Variants in RB1 observed in about 807,000 individuals in gnomAD.
RB1 encodes the protein RB transcriptional corepressor 1, also known as retinoblastoma-associated protein.
A neutral mutation model predicts 135.4 loss-of-function variants in RB1; 18 were observed. That is an observed-to-expected ratio of 0.13 (90% CI 0.09 to 0.20). RB1 has a LOEUF of 0.20. Among genes scored for constraint, RB1 ranks in the 10% least tolerant of loss-of-function variants. RB1 has a pLI of 1.00. For missense variants in RB1, 868 were observed against 1,110.0 expected, an observed-to-expected ratio of 0.78 and a Z score of 3.10; for synonymous variants, 365 against 373.2, an observed-to-expected ratio of 0.98 and a Z score of 0.25.
At chr13:48,441,500 T>C (rs1034527996) in intron 17 of RB1, among the ~76,000 whole-genome samples, 2 of 152,194 alleles carry the variant, frequency 1.3e-5, no homozygotes, top group African/African-American at 2.4e-5. Context: ...TCCTACTGTC[T>C]TAGATCTAGT....
At chr13:48,388,680 G>A (rs192391857) in intron 17 of RB1, among the ~76,000 whole-genome samples, 3 of 152,288 alleles carry the variant, frequency 2.0e-5, no homozygotes, top group Admixed American at 2.0e-4. Flanking sequence ...CTGAGTAACT[G>A]AAGTTTGGAG....
At chr13:48,320,494 C>T (rs547345235) in intron 2 of RB1, 6 of 679,448 alleles carry the variant, frequency 8.8e-6, no homozygotes, top group Non-Finnish European at 1.5e-5. Flanking sequence ...AGGGGAGGGA[C>T]GCGCAGAGGG....
At chr13:48,316,264 G>C (rs1200896211) in intron 2 of RB1, among the ~76,000 whole-genome samples, 1 of 151,972 alleles carries the variant, frequency 6.6e-6, no homozygotes, top group African/African-American at 2.4e-5. Flanking sequence ...AGGACCAGGG[G>C]GGCGGTGGGG....
intron 17 of RB1, among the ~76,000 whole-genome samples, chr13:48,451,130 T>C (rs1237251905): frequency 3.3e-5 from 5 of 152,176 alleles, no homozygotes; most frequent in Non-Finnish European, 7.4e-5. Context: ...TTTGTTTCTT[T>C]CTCTTGCCTG....
chr13:48,303,795 G>A lies in RB1; in HGVS notation c.-118G>A, dbSNP rs1279272564. 2.8e-6 allele frequency: 4 copies of A among 1,420,270 alleles called. No individual in the cohort carries two copies. Among genetic ancestry groups the A allele is most frequent in the Non-Finnish European group, 3.7e-6 (4 of 1,077,540 alleles). The allele number at this position is 1,420,270 out of a possible 1,614,324, so 88.0% of individuals were successfully genotyped here. Reference sequence around the variant, plus strand: ...GCGCGTCCGGTTTTTCTCAGGGGACGTTGAAATTATTTTTGTAACGGGAGT... The same window carrying A: ...GCGCGTCCGGTTTTTCTCAGGGGACATTGAAATTATTTTTGTAACGGGAGT... On this transcript the variant is annotated 5_prime_UTR_variant, in exon 1 of 27. Coordinates refer to ENST00000267163, the MANE Select transcript of RB1 (RefSeq NM_000321.3).
chr13:48,418,197 A>G (rs1245339623), intron 17 of RB1, among the ~76,000 whole-genome samples: 1 of 152,202 alleles, frequency 6.6e-6, no homozygotes, highest in East Asian at 1.9e-4. Context: ...CAGAAACCCT[A>G]CAGGCCAGAA....
intron 6 of RB1, among the ~76,000 whole-genome samples, chr13:48,358,519 C>T (rs184890441): frequency 2.0e-5 from 3 of 152,162 alleles, no homozygotes; most frequent in Admixed American, 1.3e-4. Context: ...TGATACAAGC[C>T]GTTGTTCTGA....
chr13:48,342,023 A>G (rs753261003), intron 2 of RB1, among the ~76,000 whole-genome samples: 8 of 151,996 alleles, frequency 5.3e-5, no homozygotes, highest in Admixed American at 2.0e-4. Context: ...AACTGACTGT[A>G]TACTATATAC....
intron 6 of RB1, 44 bp from the exon 7 acceptor site, chr13:48,359,973 T>C: frequency 6.2e-7 from 1 of 1,605,586 alleles, no homozygotes; most frequent in East Asian, 2.2e-5. Context: ...CATACAAAGA[T>C]CTGAATCTCT....
At chr13:48,461,485 G>C (rs560016073) in intron 20 of RB1, among the ~76,000 whole-genome samples, 1 of 152,142 alleles carries the variant, frequency 6.6e-6, no homozygotes, top group East Asian at 1.9e-4. Flanking sequence ...TCATGAACAT[G>C]TTTCATTTCT....
intron 2 of RB1, chr13:48,317,993 C>A: frequency 2.1e-6 from 1 of 485,846 alleles, no homozygotes; most frequent in Non-Finnish European, 3.9e-6. Context: ...GCTCTCGTCA[C>A]TGTCCACTGA....
At chr13:48,384,946 G>T (rs568725805) in intron 17 of RB1, among the ~76,000 whole-genome samples, 1 of 152,316 alleles carries the variant, frequency 6.6e-6, no homozygotes, top group South Asian at 2.1e-4. Context: ...GCTATCGAAT[G>T]CATCATACCT....
At chr13:48,349,268 G>A (rs985274655) in intron 6 of RB1, among the ~76,000 whole-genome samples, 12 of 151,336 alleles carry the variant, frequency 7.9e-5, no homozygotes, top group Non-Finnish European at 1.8e-4. Flanking sequence ...GAATAATGAT[G>A]TTACTGTTTT....
intron 10 of RB1, among the ~76,000 whole-genome samples, chr13:48,368,137 A>G (rs1215873830): frequency 6.6e-6 from 1 of 152,190 alleles, no homozygotes; most frequent in Non-Finnish European, 1.5e-5. Flanking sequence ...ACACAGTAAA[A>G]TGTTTTAAAT....
At chr13:48,328,170 T>A in intron 2 of RB1, 2 of 1,445,898 alleles carry the variant, frequency 1.4e-6, no homozygotes, top group Admixed American at 1.7e-5. Context: ...CTTTCCTTTA[T>A]TGAAGGAGTT....
At chr13:48,363,773 T>A (rs1431676673) in intron 8 of RB1, among the ~76,000 whole-genome samples, 1 of 152,210 alleles carries the variant, frequency 6.6e-6, no homozygotes, top group African/African-American at 2.4e-5. Flanking sequence ...TTAGAAGGAA[T>A]CTTACAAATA....
At chr13:48,456,433 A>G (rs2138332037) in intron 19 of RB1, 84 bp downstream of exon 19, 1 of 1,543,310 alleles carries the variant, frequency 6.5e-7, no homozygotes, top group Non-Finnish European at 8.8e-7. Context: ...CTTTCTAGGT[A>G]CATTACTGGG....
At chr13:48,366,410 T>C (rs926400726) in intron 9 of RB1, among the ~76,000 whole-genome samples, 1 of 152,216 alleles carries the variant, frequency 6.6e-6, no homozygotes, top group Non-Finnish European at 1.5e-5. Flanking sequence ...TTCTATCTAA[T>C]ACATTTATGA....
rs367578442 is a variant in RB1 at position 48,456,250 on chromosome 13, C to G, written c.1861C>G (p.Arg621Gly). The change falls in exon 19 of 27, where the codon CGT (arginine) becomes GGT (glycine). Residue 621 changes from arginine to glycine, a missense_variant. Transcript: ENST00000267163. The stretch of plus-strand genomic sequence containing the variant: ...TCCAAAGAAAAAAGGTTCAACTACG[C>G]GTGTAAATTCTACTGCAAATGCAGA... Reference protein sequence around the residue: ...RSPKKKGSTTRVNSTANAETQ... With the variant: ...RSPKKKGSTTGVNSTANAETQ... The G allele has an allele frequency of 1.5e-5, 24 of 1,614,138 alleles. No individual in the cohort carries two copies. The South Asian group carries it at 2.5e-4, about 17-fold the overall frequency.
Sources: gnomAD v4.1 joint callset for allele counts (sites outside exome capture counted in the v4.1 genomes callset) on GRCh38, gnomAD v4.1.1 for gene constraint, MANE v1.5 for transcripts, NCBI Gene and HGNC (gene_info 2026-07-23, HGNC 2026-07-21) for gene names.